Variants in ST6GALNAC2 observed in about 807,000 individuals in gnomAD.
ST6GALNAC2 encodes alpha-N-acetylgalactosaminide alpha-2,6-sialyltransferase 2.
Under a neutral mutation model 38.7 loss-of-function variants are expected in ST6GALNAC2, and 42 were observed. The ratio of observed to expected loss-of-function variants is 1.09; its 90% CI spans 0.85 to 1.40. The LOEUF is 1.40. ST6GALNAC2 is among the 40% of genes most tolerant of loss of function. The pLI, the probability that ST6GALNAC2 is intolerant of heterozygous loss-of-function variation, is 0.00. For synonymous variants in ST6GALNAC2, 233 were observed against 209.0 expected (o/e 1.11, Z -0.99); for missense variants, 506 against 481.7 (o/e 1.05, Z -0.47).
intron 2 of ST6GALNAC2, among the ~76,000 whole-genome samples, chr17:76,576,503 G>A (rs555311369): frequency 2.6e-5 from 4 of 152,270 alleles, no homozygotes; most frequent in South Asian, 2.1e-4. Context: ...GTCTGAAATC[G>A]GAGGGAATTG....
chr17:76,568,864 A>G, intron 6 of ST6GALNAC2, 68 bp from the exon 7 acceptor site: 1 of 1,535,078 alleles, frequency 6.5e-7, no homozygotes. Flanking sequence ...GATGGAGGGG[A>G]GGGTCAGGGC....
chr17:76,569,076 G>A, intron 6 of ST6GALNAC2: 1 of 200,860 alleles, frequency 5.0e-6, no homozygotes. Flanking sequence ...AGTTAAACTG[G>A]GGGTGGTGGG....
chr17:76,577,741 T>C (rs1219429931), intron 2 of ST6GALNAC2, among the ~76,000 whole-genome samples: 1 of 151,906 alleles, frequency 6.6e-6, no homozygotes, highest in Non-Finnish European at 1.5e-5. Context: ...CCTGCCTAAT[T>C]TTTTGTATTT....
intron 1 of ST6GALNAC2, among the ~76,000 whole-genome samples, chr17:76,580,128 G>A (rs2075459101): frequency 6.6e-6 from 1 of 152,144 alleles, no homozygotes; most frequent in African/African-American, 2.4e-5. Context: ...TATAAAAAGT[G>A]TCCTCTAGGT....
rs1458984063 is a variant in ST6GALNAC2 at position 76,570,646 on chromosome 17, G to T, written c.692C>A (p.Pro231His). 10 of 1,612,416 alleles carry T rather than the reference G, an allele frequency of 6.2e-6. No homozygotes were observed. Among genetic ancestry groups the T allele is most frequent in the Non-Finnish European group, 8.5e-6 (10 of 1,179,542 alleles). Residue 231 changes from proline (P) to histidine (H), a missense_variant, in exon 6 of 9, where the codon CCC becomes CAC. Pro to His is a moderately conservative substitution (Grantham distance 77). Coordinates refer to ENST00000225276, the MANE Select transcript of ST6GALNAC2 (RefSeq NM_006456.3). ...QGQDLQYIFI[P>H]SDIRDYVMLR... ...CATCACATAGTCGCGGATGTCTGAG[G>T]GGATGAAGATATACTGCAGGTCCTG...
intron 1 of ST6GALNAC2, among the ~76,000 whole-genome samples, chr17:76,582,634 C>T (rs2075493748): frequency 1.3e-5 from 2 of 152,190 alleles, no homozygotes; most frequent in South Asian, 4.1e-4. Flanking sequence ...CAGATTCTGC[C>T]ATGAGGAAAT....
At chr17:76,568,631 G>T in intron 7 of ST6GALNAC2, 82 bp downstream of exon 7, 1 of 1,382,266 alleles carries the variant, frequency 7.2e-7, no homozygotes. Context: ...TGGGGCTCGT[G>T]CGAGGGCGCT....
chr17:76,566,308 G>C, intron 8 of ST6GALNAC2, 37 bp from the exon 9 acceptor site: 1 of 1,608,466 alleles, frequency 6.2e-7, no homozygotes, highest in Non-Finnish European at 8.5e-7. Flanking sequence ...TATTTGTTGA[G>C]CGTCTAGTGT....
At position 76,570,634 on chromosome 17, in the gene ST6GALNAC2, C is replaced by A. The variant is rs778556001; in HGVS notation, c.704G>T (p.Arg235Leu). The A allele has an allele frequency of 1.2e-6, 2 of 1,613,024 alleles. No homozygotes were observed. Among genetic ancestry groups the A allele is most frequent in the Non-Finnish European group, 1.7e-6 (2 of 1,179,760 alleles). Reference sequence around the variant, plus strand: ...GGCCGATCTCAGCATCACATAGTCGCGGATGTCTGAGGGGATGAAGATATA... The same window carrying A: ...GGCCGATCTCAGCATCACATAGTCGAGGATGTCTGAGGGGATGAAGATATA... ...LQYIFIPSDI[R>L]DYVMLRSAIL... The change falls in exon 6 of 9, where the codon CGC becomes CTC. Residue 235 changes from arginine (R) to leucine (L), a missense_variant. Coordinates refer to ENST00000225276, the MANE Select transcript of ST6GALNAC2 (RefSeq NM_006456.3).
intron 1 of ST6GALNAC2, among the ~76,000 whole-genome samples, chr17:76,581,340 C>A (rs569014308): frequency 6.6e-6 from 1 of 152,100 alleles, no homozygotes; most frequent in East Asian, 1.9e-4. Context: ...CCTATGAGAA[C>A]CCCCAGGGAG....
chr17:76,576,579 G>A (rs1335726310), intron 2 of ST6GALNAC2, among the ~76,000 whole-genome samples: 1 of 152,134 alleles, frequency 6.6e-6, no homozygotes, highest in African/African-American at 2.4e-5. Flanking sequence ...GAGATTTCAG[G>A]TGTGCATGTG....
At position 76,567,551 on chromosome 17, in the gene ST6GALNAC2, A is replaced by G; in HGVS notation, c.859T>C (p.Phe287Leu). The G allele has an allele frequency of 2.5e-6, 4 of 1,609,012 alleles. No homozygotes were observed. The highest frequency in any genetic ancestry group is 3.3e-4 in the Middle Eastern group (2 of 6,046). The part of the protein sequence containing the change: ...PDFISYLTER[F>L]LKSKLINTHF... ...GTGTTAATCAACTTTGATTTCAAGAACCTGGAAGCAAAAAGAGACATTTCA... is the reference window on the plus strand; with the variant it reads ...GTGTTAATCAACTTTGATTTCAAGAGCCTGGAAGCAAAAAGAGACATTTCA... The change falls in exon 8 of 9, where the codon TTC (phenylalanine) becomes CTC (leucine). Residue 287 changes from phenylalanine to leucine, a missense_variant and splice_region_variant. By Grantham distance (22) the Phe-to-Leu change is conservative. Transcript: ENST00000225276.
intron 8 of ST6GALNAC2, 142 bp downstream of exon 8, chr17:76,567,311 C>A: frequency 1.6e-6 from 1 of 633,272 alleles, no homozygotes; most frequent in Non-Finnish European, 2.8e-6. Context: ...GTGAGCAGTA[C>A]CAGCAGCACT....
chr17:76,582,168 T>C (rs1470295085), intron 1 of ST6GALNAC2, among the ~76,000 whole-genome samples: 455 of 14,280 alleles, frequency 0.032, 4 homozygotes, highest in Admixed American at 0.14. Flanking sequence ...CCCAGCCTTT[T>C]TTTTTTTTTT....
At chr17:76,577,441 A>G (rs540387160) in intron 2 of ST6GALNAC2, among the ~76,000 whole-genome samples, 11 of 152,250 alleles carry the variant, frequency 7.2e-5, no homozygotes, top group African/African-American at 2.6e-4. Flanking sequence ...GACATACGTC[A>G]GTTAGCAATG....
At chr17:76,582,716 T>C (rs1343313260) in intron 1 of ST6GALNAC2, among the ~76,000 whole-genome samples, 1 of 152,208 alleles carries the variant, frequency 6.6e-6, no homozygotes, top group African/African-American at 2.4e-5. Context: ...CTGTCCCAGA[T>C]GCCCATCTTC....
intron 8 of ST6GALNAC2, among the ~76,000 whole-genome samples, chr17:76,566,865 C>T (rs2166212): frequency 0.27 from 41,280 of 151,908 alleles, 5,729 homozygotes; most frequent in South Asian, 0.45. Context: ...AGGTGTGAGT[C>T]GTGGAGAGGC....
chr17:76,577,342 T>C (rs2075429222), intron 2 of ST6GALNAC2, among the ~76,000 whole-genome samples: 1 of 151,940 alleles, frequency 6.6e-6, no homozygotes, highest in Non-Finnish European at 1.5e-5. Flanking sequence ...GTGCTGGGAT[T>C]ACAGGCATGA....
chr17:76,575,651 G>A (rs2075407682), intron 2 of ST6GALNAC2, among the ~76,000 whole-genome samples: 1 of 152,110 alleles, frequency 6.6e-6, no homozygotes, highest in African/African-American at 2.4e-5. Context: ...AGCCCCCCAG[G>A]CTGTGATCAT....
Sources: allele counts gnomAD v4.1 joint callset (sites outside exome capture counted in the v4.1 genomes callset), GRCh38; gene constraint gnomAD v4.1.1; transcripts MANE v1.5; gene names NCBI Gene and HGNC (gene_info 2026-07-23, HGNC 2026-07-21).